Variants in RAB3GAP2 observed in about 807,000 individuals in gnomAD.
RAB3GAP2 encodes the protein rab3 GTPase-activating protein non-catalytic subunit.
RAB3GAP2 carries 87 observed loss-of-function variants against 185.3 expected under a neutral mutation model. The ratio of observed to expected loss-of-function variants is 0.47; its 90% CI spans 0.39 to 0.56. The LOEUF (loss-of-function observed/expected upper bound fraction) is 0.56, where lower values mean the gene tolerates loss of function less well. Among genes scored for constraint, RAB3GAP2 ranks in the 20% least tolerant of loss-of-function variants. The pLI is 0.00. For missense variants in RAB3GAP2, 1,492 were observed against 1,638.2 expected, an observed-to-expected ratio of 0.91 and a Z score of 1.54; for synonymous variants, 554 against 576.1, an observed-to-expected ratio of 0.96 and a Z score of 0.55.
Position 220,205,777 on chromosome 1 carries a change from G to C in RAB3GAP2, c.712+130C>G, listed in dbSNP as rs1658952140. On this transcript the variant is annotated intron_variant, in intron 8 of 34. Coordinates refer to ENST00000358951, the MANE Select transcript of RAB3GAP2 (RefSeq NM_012414.4). ...AACATGCTCCCCTTTCTCTACAGAA[G>C]GCAGGTTTTTCCCATAAATCTAGTT... The C allele has an allele frequency of 1.0e-5, 7 of 693,778 alleles. No individual in the cohort carries two copies. In the East Asian group the frequency reaches 1.9e-4, roughly 19 times the overall value. The allele number at this position is 693,778 out of a possible 1,614,324, so 43.0% of individuals were successfully genotyped here.
chr1:220,198,394 C>A (rs1324680072), intron 9 of RAB3GAP2, among the ~76,000 whole-genome samples: 2 of 152,168 alleles, frequency 1.3e-5, no homozygotes, highest in Admixed American at 6.5e-5. Flanking sequence ...GTTGAAGCAA[C>A]AAGGCTGTTT....
rs1657743144 is a variant in RAB3GAP2, at chr1:220,151,079, G to A, written c.*172C>T. On this transcript the variant is annotated 3_prime_UTR_variant, in exon 35 of 35. Coordinates refer to ENST00000358951, the MANE Select transcript of RAB3GAP2 (RefSeq NM_012414.4). ...TATCTTCAGTATTAACCAAAGGAGT[G>A]GAATTTAGCCAGGGTTGCACTTTTT... is the stretch of plus-strand genomic sequence containing the variant. 3.2e-6 allele frequency: 2 copies of A among 627,044 alleles called. No individual in the cohort carries two copies. The highest frequency in any genetic ancestry group is 6.1e-5 in the Admixed American group (2 of 32,620). 38.8% of individuals were successfully genotyped at this position (627,044 alleles called of 1,614,324 possible).
chr1:220,168,210 A>G lies in RAB3GAP2; in HGVS notation c.2807-535T>C, dbSNP rs61611902. ...CAGGTTCAAGTGATTTTCCTGCCTC[A>G]GCCTCCCGAGCAACTGAGATTACAG... On this transcript the variant is annotated intron_variant, in intron 24 of 34. Transcript: ENST00000358951. Among the ~76,000 whole-genome samples the G allele has an allele frequency of 9.2e-5, 14 of 152,206 alleles. No homozygotes were observed. The East Asian group carries it at 2.7e-3, about 29-fold the overall frequency.
chr1:220,222,256 T>C (rs1659322065), intron 2 of RAB3GAP2, among the ~76,000 whole-genome samples: 1 of 152,192 alleles, frequency 6.6e-6, no homozygotes, highest in Admixed American at 6.5e-5. Context: ...AAATGCTCAA[T>C]ATTTTTCAAA....
chr1:220,181,559 T>C (rs150826901), intron 21 of RAB3GAP2, among the ~76,000 whole-genome samples: 1 of 152,330 alleles, frequency 6.6e-6, no homozygotes, highest in African/African-American at 2.4e-5. Flanking sequence ...TTATAATATA[T>C]ATTCAAAGTC....
chr1:220,161,893 T>A (rs1341879441), intron 28 of RAB3GAP2, among the ~76,000 whole-genome samples: 1 of 152,210 alleles, frequency 6.6e-6, no homozygotes, highest in African/African-American at 2.4e-5. Flanking sequence ...CATCAAAGAT[T>A]GGTAAGTGTA....
chr1:220,262,262 C>A (rs548890683), intron 1 of RAB3GAP2, among the ~76,000 whole-genome samples: 71 of 152,102 alleles, frequency 4.7e-4, no homozygotes, highest in African/African-American at 1.5e-3. Flanking sequence ...GATGGCACCA[C>A]TGCACTCCAG....
rs899597254 is a variant in RAB3GAP2 at position 220,149,307 on chromosome 1, A to ACTT, written c.*1941_*1943dup. ...TTTGTGTTAGGATTCTGTGAGCCAT[A>ACTT]CTTCAGCTTATTATTGTTCTCAGCA... On this transcript the variant is annotated 3_prime_UTR_variant, in exon 35 of 35. Coordinates refer to ENST00000358951, the MANE Select transcript of RAB3GAP2 (RefSeq NM_012414.4). The ACTT allele has an allele frequency of 8.5e-5, 13 of 152,328 alleles. No homozygotes were observed. Among genetic ancestry groups the ACTT allele is most frequent in the African/African-American group, 1.4e-4 (6 of 41,572 alleles). 9.4% of individuals were successfully genotyped at this position (152,328 alleles called of 1,614,324 possible).
intron 1 of RAB3GAP2, among the ~76,000 whole-genome samples, chr1:220,243,519 C>A (rs998484101): frequency 1.3e-5 from 2 of 152,192 alleles, no homozygotes; most frequent in South Asian, 4.1e-4. Context: ...CAAGGTCACA[C>A]AACTGATAAG....
chr1:220,174,655 T>C (rs1164133644), intron 21 of RAB3GAP2, among the ~76,000 whole-genome samples: 2 of 151,310 alleles, frequency 1.3e-5, no homozygotes, highest in East Asian at 2.0e-4. Flanking sequence ...AAACCTTTTT[T>C]AAAAAACAAA....
Position 220,191,086 on chromosome 1 carries a change from T to C in RAB3GAP2, c.1469A>G (p.Asn490Ser), listed in dbSNP as rs1485917986. 1.9e-6 allele frequency: 3 copies of C among 1,613,650 alleles called. No individual in the cohort carries two copies. The highest frequency in any genetic ancestry group is 1.3e-5 in the African/African-American group (1 of 75,022). Residue 490 changes from asparagine to serine, a missense_variant, in exon 14 of 35, where the codon AAT becomes AGT. Coordinates refer to ENST00000358951, the MANE Select transcript of RAB3GAP2 (RefSeq NM_012414.4). ...TQQGPRVGAF[N>S]VGKHCRLLYP... The stretch of plus-strand genomic sequence containing the variant: ...AGCTTACCTGCAGTGCTTCCCCACA[T>C]TGAAAGCTCCTACTCTAGGTCCCTG...
rs1436690746 is a variant in RAB3GAP2 at position 220,190,361 on chromosome 1, A to G, written c.1631+16T>C. ...TAGCAGAGGAGCGTCAATCAGCAAC[A>G]CTGGACACACCTTACCTCAGTGCTA... On this transcript the variant is annotated intron_variant, in intron 15 of 34. Coordinates refer to ENST00000358951, the MANE Select transcript of RAB3GAP2 (RefSeq NM_012414.4). 5 of 1,613,932 alleles carry G rather than the reference A, an allele frequency of 3.1e-6. No homozygotes were observed. Among genetic ancestry groups the G allele is most frequent in the African/African-American group, 1.3e-5 (1 of 74,908 alleles).
intron 3 of RAB3GAP2, among the ~76,000 whole-genome samples, chr1:220,213,270 T>A (rs1239207700): frequency 6.6e-6 from 1 of 152,166 alleles, no homozygotes; most frequent in Non-Finnish European, 1.5e-5. Context: ...TAAGACTACT[T>A]TTATCATCAG....
intron 1 of RAB3GAP2, among the ~76,000 whole-genome samples, chr1:220,270,707 C>T (rs1660318742): frequency 6.6e-6 from 1 of 152,208 alleles, no homozygotes; most frequent in African/African-American, 2.4e-5. Context: ...ACTGGAAGAG[C>T]TTCCCAATCC....
rs767476276 is a variant in RAB3GAP2 at position 220,151,647 on chromosome 1, C to A, written c.3985G>T (p.Ala1329Ser). 1 of 1,612,136 alleles carries A rather than the reference C, an allele frequency of 6.2e-7. No homozygotes were observed. Among genetic ancestry groups the A allele is most frequent in the Non-Finnish European group, 8.5e-7 (1 of 1,178,234 alleles). Residue 1329 changes from alanine (A) to serine (S), a missense_variant, in exon 34 of 35, where the codon GCC (alanine) becomes TCC (serine). Physicochemically the swap from Ala to Ser is moderately conservative, Grantham distance 99 (BLOSUM62 1). This residue lies in a region of RAB3GAP2 where 387 missense variants were observed against 455.3 expected (regional missense o/e 0.85). Transcript: ENST00000358951. The part of the protein sequence containing the change: ...TQTKEGMELL[A>S]RLPPTLCTWL... ...GTACACAGTGTGGGTGGAAGTCTGG[C>A]AAGCAGCTCCATTCCTTCTTTTGTC...
chr1:220,157,083 C>T (rs999310360), intron 31 of RAB3GAP2, among the ~76,000 whole-genome samples, 187 bp downstream of exon 31: 2 of 152,074 alleles, frequency 1.3e-5, no homozygotes, highest in Admixed American at 6.6e-5. Context: ...GAGGGCAAAA[C>T]TCCAAGGGGA....
Position 220,212,969 on chromosome 1 carries a change from C to T in RAB3GAP2, c.305-1G>A. On this transcript the variant is annotated splice_acceptor_variant, in intron 3 of 34. Coordinates refer to ENST00000358951, the MANE Select transcript of RAB3GAP2 (RefSeq NM_012414.4). LOFTEE classifies it high-confidence loss of function. ...CCTTTATCACTATATTTCCATTTTG[C>T]TGTAAGAATTAAGATATCATATAAA... 2 of 1,603,528 alleles carry T rather than the reference C, an allele frequency of 1.2e-6. No homozygotes were observed. The highest frequency in any genetic ancestry group is 2.2e-5 in the East Asian group (1 of 44,688).
chr1:220,206,777 C>G (rs935726084), intron 7 of RAB3GAP2, among the ~76,000 whole-genome samples: 1 of 152,202 alleles, frequency 6.6e-6, no homozygotes, highest in Admixed American at 6.5e-5. Flanking sequence ...GTGCTTGGAT[C>G]TTCTCCTCTC....
In RAB3GAP2 at chr1:220,254,248, G is replaced by A. The variant is rs1017652267; in HGVS notation, c.115+17975C>T. The A allele has an allele frequency of 4.5e-5, 72 of 1,613,396 alleles. No individual in the cohort carries two copies. In the Admixed American group the frequency reaches 1.0e-3, roughly 23 times the overall value. On this transcript the variant is annotated intron_variant, in intron 1 of 34. Coordinates refer to ENST00000358951, the MANE Select transcript of RAB3GAP2 (RefSeq NM_012414.4). ...GGCAGGGATAAAAGAATACTTCAACGTAATGTTGGGTACCCAGCTACTCTA... is the reference window on the plus strand; with the variant it reads ...GGCAGGGATAAAAGAATACTTCAACATAATGTTGGGTACCCAGCTACTCTA...
Sources: allele counts gnomAD v4.1 joint callset (sites outside exome capture counted in the v4.1 genomes callset), GRCh38; gene constraint gnomAD v4.1.1; regional missense constraint gnomAD v4.1.1; transcripts MANE v1.5; gene names NCBI Gene and HGNC (gene_info 2026-07-23, HGNC 2026-07-21).